Variants in ANK2 observed in about 807,000 individuals in gnomAD.
ANK2 encodes the protein ankyrin-2.
In ANK2, 83 loss-of-function variants were observed where a neutral mutation model predicts 360.5. The observed-to-expected ratio is 0.23, with a 90% CI of 0.19 to 0.28. The LOEUF (loss-of-function observed/expected upper bound fraction) is 0.28. Ranked by LOEUF, ANK2 falls within the 10% of genes least tolerant of loss-of-function variation. ANK2 has a pLI of 1.00. For synonymous variants in ANK2, 1,740 were observed against 1,759.5 expected (o/e 0.99, Z 0.28); for missense variants, 4,201 against 4,795.7 (o/e 0.88, Z 3.66).
At position 112,869,538 on chromosome 4, in the gene ANK2, C is replaced by T. The variant is rs535768477; in HGVS notation, c.-39-34917C>T. 1.7e-3 allele frequency among the ~76,000 whole-genome samples: 262 copies of T among 152,334 alleles called. 1 individual carries two copies. The highest frequency in any genetic ancestry group is 6.1e-3 in the African/African-American group (253 of 41,578). On this transcript the variant is annotated intron_variant, in intron 1 of 30. Coordinates refer to the ANK2 transcript ENST00000503271. ...GCTCAAGTGATCCACCTGCCTTGGT[C>T]TCCCAAAGTATTGGGATTACAGGCT...
the ANK2 span, among the ~76,000 whole-genome samples, chr4:112,710,302 A>G: frequency 6.6e-6 from 1 of 152,176 alleles, no homozygotes; most frequent in Non-Finnish European, 1.5e-5. Context: ...ACTCCTAGCT[A>G]TCTATAATTA....
intron 2 of ANK2, among the ~76,000 whole-genome samples, chr4:113,176,192 T>C (rs922358575): frequency 2.6e-5 from 4 of 152,216 alleles, no homozygotes; most frequent in African/African-American, 9.7e-5. Flanking sequence ...AGGGAACTGG[T>C]ATAAGCAGCA....
chr4:113,103,243 T>C (rs1223169208), intron 1 of ANK2, among the ~76,000 whole-genome samples: 2 of 152,152 alleles, frequency 1.3e-5, no homozygotes, highest in Non-Finnish European at 2.9e-5. Context: ...GGAATGCAAA[T>C]ACTATGATAT....
At chr4:113,196,713 G>T (rs1426505562) in intron 3 of ANK2, among the ~76,000 whole-genome samples, 2 of 151,930 alleles carry the variant, frequency 1.3e-5, no homozygotes, top group African/African-American at 4.8e-5. Context: ...AATTTTTTTA[G>T]TATAAATGAG....
In ANK2 at chr4:112,822,249, A is replaced by C. The variant is rs965085773; in HGVS notation, c.-40+3985A>C. Among the ~76,000 whole-genome samples the C allele has an allele frequency of 5.4e-5, 8 of 149,424 alleles. No homozygotes were observed. The South Asian group carries it at 6.3e-4, about 12-fold the overall frequency. Reference sequence around the variant, plus strand: ...AACCCTGTCTCTACTAAAAAAAAAAAAAAAAAAAAAAAACAAAAATTAGCC... The same window carrying C: ...AACCCTGTCTCTACTAAAAAAAAAACAAAAAAAAAAAAACAAAAATTAGCC... On this transcript the variant is annotated intron_variant, in intron 1 of 30. Coordinates refer to the ANK2 transcript ENST00000503271.
intron 45 of ANK2, chr4:113,378,027 A>G: frequency 2.6e-6 from 2 of 758,826 alleles, no homozygotes; most frequent in Non-Finnish European, 3.8e-6. Context: ...AAGCAAAGCA[A>G]TAGATTGTTT....
At chr4:113,359,430 G>T in intron 38 of ANK2, 131 bp downstream of exon 38, 2 of 1,145,952 alleles carry the variant, frequency 1.7e-6, no homozygotes, top group Non-Finnish European at 2.5e-6. Context: ...TAATGTGTTT[G>T]TGTAAGCCCT....
At chr4:113,380,248 T>G (rs960035016) in intron 45 of ANK2, among the ~76,000 whole-genome samples, 4 of 149,834 alleles carry the variant, frequency 2.7e-5, no homozygotes, top group African/African-American at 7.4e-5. Context: ...TGCTTTTACT[T>G]TACTCTAAAA....
intron 1 of ANK2, among the ~76,000 whole-genome samples, chr4:113,084,530 T>TC (rs2083719704): frequency 6.6e-6 from 1 of 152,234 alleles, no homozygotes; most frequent in Non-Finnish European, 1.5e-5. Context: ...TCAAGTAGAG[T>TC]CCCATTTAGA....
At chr4:112,759,998 C>T in the ANK2 span, among the ~76,000 whole-genome samples, 2 of 152,072 alleles carry the variant, frequency 1.3e-5, no homozygotes, top group South Asian at 4.1e-4. Context: ...GATGTAGAAA[C>T]TGAGATCTAA....
At chr4:113,083,845 A>G (rs895393619) in intron 1 of ANK2, among the ~76,000 whole-genome samples, 3 of 152,210 alleles carry the variant, frequency 2.0e-5, no homozygotes, top group African/African-American at 7.2e-5. Flanking sequence ...ATAGATACTT[A>G]GTTTTCATAC....
At chr4:112,834,335 G>A (rs2060530474) in intron 1 of ANK2, among the ~76,000 whole-genome samples, 2 of 152,126 alleles carry the variant, frequency 1.3e-5, no homozygotes, top group Admixed American at 6.5e-5. Flanking sequence ...GTTCTCTGAC[G>A]TTTGAGATTT....
intron 1 of ANK2, among the ~76,000 whole-genome samples, chr4:113,168,972 C>A (rs1238174596): frequency 6.6e-6 from 1 of 152,158 alleles, no homozygotes; most frequent in African/African-American, 2.4e-5. Flanking sequence ...ACCTGTACAT[C>A]TCAGTGTATT....
At chr4:113,029,388 C>G (rs914438345) in intron 2 of ANK2, among the ~76,000 whole-genome samples, 1 of 152,012 alleles carries the variant, frequency 6.6e-6, no homozygotes, top group South Asian at 2.1e-4. Context: ...GCACACACAA[C>G]TTCACCCAGC....
At chr4:112,764,908 G>A in the ANK2 span, among the ~76,000 whole-genome samples, 1 of 151,704 alleles carries the variant, frequency 6.6e-6, no homozygotes, top group Non-Finnish European at 1.5e-5. Flanking sequence ...GTTTCTCCAT[G>A]TTGGTCAGGC....
Position 113,287,708 on chromosome 4 carries a change from A to G in ANK2, c.2178+5A>G. 2 of 1,597,708 alleles carry G rather than the reference A, an allele frequency of 1.3e-6. No homozygotes were observed. The highest frequency in any genetic ancestry group is 1.7e-6 in the Non-Finnish European group (2 of 1,165,352). ...GATCAGGATGCTCATACAAAGGTAA[A>G]GCAAATCACTCTCAGTATTGTGACA... On this transcript the variant is annotated splice_donor_5th_base_variant and intron_variant, in intron 19 of 45. Transcript: ENST00000357077.
the ANK2 span, among the ~76,000 whole-genome samples, chr4:112,765,078 T>C: frequency 6.6e-6 from 1 of 152,226 alleles, no homozygotes; most frequent in Non-Finnish European, 1.5e-5. Context: ...GTAATTGTTA[T>C]CTCTACTGAT....
At chr4:112,921,480 AG>A (rs1418676303) in intron 2 of ANK2, among the ~76,000 whole-genome samples, 2 of 146,322 alleles carry the variant, frequency 1.4e-5, no homozygotes, top group Admixed American at 1.4e-4. Flanking sequence ...TATTTTTTAA[AG>A]AGATGGGGTC....
the ANK2 span, among the ~76,000 whole-genome samples, chr4:112,784,852 A>T: frequency 6.6e-6 from 1 of 152,218 alleles, no homozygotes; most frequent in East Asian, 1.9e-4. Context: ...GGTGCACACT[A>T]ATTCTCATGA....
Sources: gnomAD v4.1 joint callset for allele counts (sites outside exome capture counted in the v4.1 genomes callset) on GRCh38, gnomAD v4.1.1 for gene constraint, MANE v1.5 for transcripts, NCBI Gene and HGNC (gene_info 2026-07-23, HGNC 2026-07-21) for gene names.